The following DYDC2 variants were observed in gnomAD, a reference collection of about 807,000 sequenced individuals.
DYDC2 encodes the protein DPY30 domain-containing protein 2.
A neutral mutation model predicts 18.7 loss-of-function variants in DYDC2; 19 were observed. That is an observed-to-expected ratio of 1.02 (90% confidence interval 0.71 to 1.49). The LOEUF (loss-of-function observed/expected upper bound fraction) is 1.49, where lower values mean the gene tolerates loss of function less well. Ranked by LOEUF, DYDC2 falls within the 40% of genes most tolerant of loss-of-function variation. DYDC2 has a pLI of 0.00. For missense variants in DYDC2, 179 were observed against 205.1 expected (o/e 0.87, Z 0.78); for synonymous variants, 63 against 67.6 (o/e 0.93, Z 0.34).
intron 4 of DYDC2, among the ~76,000 whole-genome samples, chr10:80,366,430 T>C (rs1436413404): frequency 6.6e-6 from 1 of 152,218 alleles, no homozygotes; most frequent in Non-Finnish European, 1.5e-5. Flanking sequence ...GTTCTGGACA[T>C]TGTAGAGGAC....
upstream of DYDC2, among the ~76,000 whole-genome samples, chr10:80,355,823 A>G (rs1383362175): frequency 6.6e-6 from 1 of 152,168 alleles, no homozygotes; most frequent in Non-Finnish European, 1.5e-5. Context: ...GGCACAAATG[A>G]ACCTAATTCC....
At chr10:80,350,835 T>G (rs904519823) in intron 1 of DYDC2, among the ~76,000 whole-genome samples, 2 of 152,116 alleles carry the variant, frequency 1.3e-5, no homozygotes, top group Non-Finnish European at 2.9e-5. Context: ...TTCTGGAACT[T>G]TCCTCTCTCC....
At chr10:80,352,499 A>G (rs1225584666), upstream of DYDC2, 8 of 1,613,214 alleles carry the variant, frequency 5.0e-6, no homozygotes, top group Non-Finnish European at 6.8e-6. Flanking sequence ...TAAATCCACA[A>G]TGCTAAATAT....
intron 1 of DYDC2, among the ~76,000 whole-genome samples, chr10:80,348,367 T>C (rs960560750): frequency 1.3e-5 from 2 of 152,242 alleles, no homozygotes; most frequent in Non-Finnish European, 2.9e-5. Flanking sequence ...GACTTGATAA[T>C]GTTTCTTAAT....
intron 4 of DYDC2, 56 bp from the exon 5 acceptor site, chr10:80,366,632 T>G: frequency 1.3e-6 from 2 of 1,535,088 alleles, no homozygotes; most frequent in South Asian, 2.6e-5. Flanking sequence ...TTGCCATACA[T>G]CTTGTGTGCT....
chr10:80,346,527 C>T (rs1842650043), intron 1 of DYDC2, among the ~76,000 whole-genome samples: 1 of 136,822 alleles, frequency 7.3e-6, no homozygotes, highest in South Asian at 2.4e-4. Context: ...GTGGCGCGAT[C>T]TCAGCTCACT....
intron 1 of DYDC2, among the ~76,000 whole-genome samples, chr10:80,348,537 G>C (rs1702899114): frequency 6.6e-6 from 1 of 152,144 alleles, no homozygotes; most frequent in South Asian, 2.1e-4. Context: ...TTAGATCTCC[G>C]TTCCCAAACA....
intron 1 of DYDC2, among the ~76,000 whole-genome samples, chr10:80,346,032 G>A (rs1245654171): frequency 6.6e-6 from 1 of 152,050 alleles, no homozygotes; most frequent in Non-Finnish European, 1.5e-5. Flanking sequence ...ATTTTTTCTA[G>A]AGATGAGGTC....
intron 2 of DYDC2, among the ~76,000 whole-genome samples, chr10:80,361,680 T>C (rs763715053): frequency 1.3e-5 from 2 of 152,242 alleles, no homozygotes; most frequent in South Asian, 2.1e-4. Context: ...TATGGACTCA[T>C]GGATTCTTAT....
intron 1 of DYDC2, among the ~76,000 whole-genome samples, chr10:80,349,399 A>G (rs1455695675): frequency 2.0e-5 from 3 of 152,252 alleles, no homozygotes; most frequent in South Asian, 4.1e-4. Context: ...CCTACATAAT[A>G]TGCCATAATG....
At chr10:80,358,967 G>A (rs1050897632) in intron 2 of DYDC2, among the ~76,000 whole-genome samples, 13 of 152,190 alleles carry the variant, frequency 8.5e-5, no homozygotes, top group South Asian at 2.1e-4. Flanking sequence ...AGCTCATAAA[G>A]GCAGTGCAGA....
At chr10:80,359,628 G>A (rs543926981) in intron 2 of DYDC2, among the ~76,000 whole-genome samples, 42 of 152,262 alleles carry the variant, frequency 2.8e-4, no homozygotes, top group Non-Finnish European at 4.6e-4. Context: ...CTGCATGTCC[G>A]GAGCCCCGTG....
At chr10:80,359,278 G>A (rs1242880909) in intron 2 of DYDC2, among the ~76,000 whole-genome samples, 2 of 152,122 alleles carry the variant, frequency 1.3e-5, no homozygotes, top group African/African-American at 4.8e-5. Context: ...GCACTGATTG[G>A]TGCATTTACA....
intron 2 of DYDC2, among the ~76,000 whole-genome samples, chr10:80,361,652 T>A: frequency 6.6e-6 from 1 of 152,218 alleles, no homozygotes; most frequent in East Asian, 1.9e-4. Context: ...CCCTTCTTAA[T>A]CTACTTATAT....
intron 2 of DYDC2, among the ~76,000 whole-genome samples, chr10:80,359,595 G>A (rs982163662): frequency 1.1e-4 from 17 of 152,180 alleles, no homozygotes; most frequent in South Asian, 2.1e-4. Context: ...CCCACGGTGC[G>A]GGGGAGGCTC....
intron 2 of DYDC2, among the ~76,000 whole-genome samples, chr10:80,358,585 C>T (rs572988098): frequency 6.6e-6 from 1 of 152,134 alleles, no homozygotes; most frequent in Non-Finnish European, 1.5e-5. Flanking sequence ...TGGCAGCCAC[C>T]CCCTGACTAG....
chr10:80,357,994 G>A lies in DYDC2; in HGVS notation c.-61G>A, dbSNP rs1354902374. ...TGCAAGTCCAGGAACTGTGTAAGCA[G>A]ACCCTCAGAGGAGCTCTGGGAAACA... On this transcript the variant is annotated 5_prime_UTR_variant, in exon 2 of 5. Transcript: ENST00000256039. 1 of 985,454 alleles carries A rather than the reference G, an allele frequency of 1.0e-6. No homozygotes were observed. 61.0% of individuals were successfully genotyped at this position (985,454 alleles called of 1,614,324 possible).
At chr10:80,359,035 G>C (rs1040546921) in intron 2 of DYDC2, among the ~76,000 whole-genome samples, 6 of 152,310 alleles carry the variant, frequency 3.9e-5, no homozygotes, top group South Asian at 2.1e-4. Context: ...AAAGCTTCCA[G>C]TGTGGAAGGG....
At chr10:80,352,446 C>T (rs1454911091), upstream of DYDC2, 4 of 1,577,746 alleles carry the variant, frequency 2.5e-6, no homozygotes, top group Non-Finnish European at 2.6e-6. Flanking sequence ...GAAGGAGATT[C>T]CTACTTACCA....
Sources: gnomAD v4.1 joint callset for allele counts (sites outside exome capture counted in the v4.1 genomes callset) on GRCh38, gnomAD v4.1.1 for gene constraint, MANE v1.5 for transcripts, NCBI Gene and HGNC (gene_info 2026-07-23, HGNC 2026-07-21) for gene names.